Variants in ARHGAP24 observed in about 807,000 individuals in gnomAD.
ARHGAP24 encodes Rho GTPase activating protein 24.
Under a neutral mutation model 76.4 loss-of-function variants are expected in ARHGAP24, and 50 were observed. The ratio of observed to expected loss-of-function variants is 0.65; its 90% CI spans 0.52 to 0.83. ARHGAP24 has a LOEUF of 0.83. ARHGAP24 is among the 40% of genes least tolerant of loss of function. ARHGAP24 has a pLI of 0.00. For synonymous variants in ARHGAP24, 345 were observed against 323.3 expected (o/e 1.07, Z -0.72); for missense variants, 930 against 914.2 (o/e 1.02, Z -0.22).
At chr4:85,578,987 A>T (rs1365626260) in intron 2 of ARHGAP24, among the ~76,000 whole-genome samples, 1 of 152,132 alleles carries the variant, frequency 6.6e-6, no homozygotes, top group Non-Finnish European at 1.5e-5. Flanking sequence ...TATTACATGG[A>T]AAGATTTCAG....
chr4:85,542,874 C>T (rs572287834), intron 1 of ARHGAP24, among the ~76,000 whole-genome samples: 51 of 152,136 alleles, frequency 3.4e-4, no homozygotes, highest in African/African-American at 1.0e-3. Context: ...TTGTTTTGGA[C>T]CATCTGTGAA....
At chr4:85,486,288 T>C (rs564640731) in intron 1 of ARHGAP24, among the ~76,000 whole-genome samples, 7 of 152,208 alleles carry the variant, frequency 4.6e-5, no homozygotes, top group South Asian at 2.1e-4. Context: ...GTGTTTTTTT[T>C]TTATCTTGAC....
At position 85,884,201 on chromosome 4, in the gene ARHGAP24, A is replaced by G. The variant is rs565781981; in HGVS notation, c.269-39447A>G. Among the ~76,000 whole-genome samples, 14 of 152,192 alleles carry G rather than the reference A, an allele frequency of 9.2e-5. No individual in the cohort carries two copies. In the South Asian group the frequency reaches 2.9e-3, roughly 32 times the overall value. On this transcript the variant is annotated intron_variant, in intron 3 of 9. Transcript: ENST00000395184. ...AATTCCAGTTTATTTTATAGAACCT[A>G]TTTTTTCAAAGAATTTTTGCTCTAA...
At chr4:85,844,031 A>G (rs1010072135) in intron 3 of ARHGAP24, among the ~76,000 whole-genome samples, 1 of 152,238 alleles carries the variant, frequency 6.6e-6, no homozygotes, top group Admixed American at 6.5e-5. Flanking sequence ...GCTTATGAAA[A>G]TGTAACAATT....
At chr4:85,739,870 C>T (rs1725749151) in intron 3 of ARHGAP24, among the ~76,000 whole-genome samples, 1 of 1,970 alleles carries the variant, frequency 5.1e-4, no homozygotes, top group African/African-American at 5.2e-4. Context: ...TCGTGATCCG[C>T]CCACCTCGGC....
chr4:85,493,554 C>T (rs1181790526), intron 1 of ARHGAP24, among the ~76,000 whole-genome samples: 2 of 152,168 alleles, frequency 1.3e-5, no homozygotes, highest in Non-Finnish European at 2.9e-5. Context: ...AAATTGTCCA[C>T]ATTTGACCAT....
chr4:85,510,952 T>C (rs1293576957), intron 1 of ARHGAP24, among the ~76,000 whole-genome samples: 1 of 152,132 alleles, frequency 6.6e-6, no homozygotes. Flanking sequence ...TATGTAAACT[T>C]GTCTTGTTTA....
chr4:85,519,750 C>A (rs1315522694), intron 1 of ARHGAP24, among the ~76,000 whole-genome samples: 1 of 152,094 alleles, frequency 6.6e-6, no homozygotes, highest in Non-Finnish European at 1.5e-5. Context: ...GATTAAGGCA[C>A]CATTCCATGT....
intron 3 of ARHGAP24, among the ~76,000 whole-genome samples, chr4:85,792,922 C>T (rs921851223): frequency 2.0e-5 from 3 of 152,100 alleles, no homozygotes; most frequent in African/African-American, 7.2e-5. Context: ...TCACTGTATG[C>T]AGAGAATCCA....
At chr4:85,886,205 T>C (rs1200023450) in intron 3 of ARHGAP24, among the ~76,000 whole-genome samples, 1 of 152,184 alleles carries the variant, frequency 6.6e-6, no homozygotes, top group African/African-American at 2.4e-5. Flanking sequence ...TCAATGACCA[T>C]TATCTGACAA....
At chr4:85,949,560 G>C (rs906940556) in intron 5 of ARHGAP24, among the ~76,000 whole-genome samples, 2 of 152,146 alleles carry the variant, frequency 1.3e-5, no homozygotes, top group Non-Finnish European at 2.9e-5. Context: ...GTATCCTTCA[G>C]GGCTCCTCCC....
At chr4:85,891,138 A>G (rs1269445541) in intron 3 of ARHGAP24, among the ~76,000 whole-genome samples, 1 of 152,112 alleles carries the variant, frequency 6.6e-6, no homozygotes, top group African/African-American at 2.4e-5. Context: ...AATATGACTA[A>G]ATGACTGAGT....
chr4:85,519,879 G>T (rs992222085), intron 1 of ARHGAP24, among the ~76,000 whole-genome samples: 5 of 151,990 alleles, frequency 3.3e-5, no homozygotes, highest in Non-Finnish European at 1.5e-5. Flanking sequence ...TCCCGACTGT[G>T]GTGTGGATGT....
At chr4:85,666,558 G>A (rs1722627013) in intron 2 of ARHGAP24, among the ~76,000 whole-genome samples, 1 of 152,192 alleles carries the variant, frequency 6.6e-6, no homozygotes, top group Non-Finnish European at 1.5e-5. Flanking sequence ...TCCTTTGGAG[G>A]AGGAGAGGCA....
intron 3 of ARHGAP24, among the ~76,000 whole-genome samples, chr4:85,730,608 T>TGTAGAG (rs1409193943): frequency 2.0e-5 from 3 of 152,004 alleles, no homozygotes; most frequent in Non-Finnish European, 4.4e-5. Context: ...GAGGTCTCAC[T>TGTAGAG]ATGTTGCCCA....
At chr4:85,716,947 G>A (rs1217833603) in intron 2 of ARHGAP24, among the ~76,000 whole-genome samples, 6 of 152,034 alleles carry the variant, frequency 3.9e-5, no homozygotes, top group Non-Finnish European at 5.9e-5. Flanking sequence ...CTGACATCCC[G>A]AAGTAGCCTC....
intron 2 of ARHGAP24, among the ~76,000 whole-genome samples, chr4:85,669,301 C>T (rs1411080536): frequency 6.6e-6 from 1 of 152,044 alleles, no homozygotes; most frequent in Non-Finnish European, 1.5e-5. Flanking sequence ...CTTTTCTCTA[C>T]CCTATAAGCC....
chr4:85,977,955 G>A lies in ARHGAP24; in HGVS notation c.928+264G>A, dbSNP rs112841628. ...GAAACCTTCATAAATCATATGTAAA[G>A]TATTCAAGAACTGAAAAAAACTACC... On this transcript the variant is annotated intron_variant, in intron 8 of 9. Transcript: ENST00000395184. Among the ~76,000 whole-genome samples the A allele has an allele frequency of 0.021, 3,272 of 152,228 alleles. 140 individuals are homozygous for A. Among genetic ancestry groups the A allele is most frequent in the African/African-American group, 0.076 (3,150 of 41,530 alleles).
At chr4:85,743,905 G>A (rs1232420397) in intron 3 of ARHGAP24, among the ~76,000 whole-genome samples, 1 of 152,094 alleles carries the variant, frequency 6.6e-6, no homozygotes, top group Non-Finnish European at 1.5e-5. Context: ...ACAGAAGTAT[G>A]GTATCAAGAC....
Sources: allele counts gnomAD v4.1 joint callset (sites outside exome capture counted in the v4.1 genomes callset), GRCh38; gene constraint gnomAD v4.1.1; transcripts MANE v1.5; gene names NCBI Gene and HGNC (gene_info 2026-07-23, HGNC 2026-07-21).